CFAP74: variants seen among roughly 807,000 people sequenced by gnomAD.
CFAP74 encodes cilia- and flagella-associated protein 74.
CFAP74 carries 124 observed loss-of-function variants against 188.9 expected under a neutral mutation model. The ratio of observed to expected loss-of-function variants is 0.66; its 90% CI spans 0.57 to 0.76. CFAP74 has a LOEUF of 0.76. Ranked by LOEUF, CFAP74 falls within the 30% of genes least tolerant of loss-of-function variation. CFAP74 has a pLI of 0.00. For missense variants in CFAP74, 2,198 were observed against 2,165.2 expected (o/e 1.02, Z -0.30); for synonymous variants, 956 against 916.7 (o/e 1.04, Z -0.77).
intron 1 of CFAP74, 103 bp from the exon 2 acceptor site, chr1:1,991,078 G>T: frequency 1.3e-6 from 1 of 743,026 alleles, no homozygotes; most frequent in African/African-American, 1.8e-5. Context: ...ACAAACGACA[G>T]ATTAGGAAAA....
chr1:1,959,100 T>C lies in CFAP74; in HGVS notation c.1851+20A>G, dbSNP rs569785756. On this transcript the variant is annotated intron_variant, in intron 16 of 38. Coordinates refer to ENST00000682832, the MANE Select transcript of CFAP74 (RefSeq NM_001304360.2). ...CCAGCATGCCCCGAGAAATGCTGGC[T>C]CGGACACCTTTGAACTCACCGAACA... The C allele has an allele frequency of 2.1e-5, 33 of 1,576,068 alleles. No homozygotes were observed. The East Asian group carries it at 3.1e-4, about 15-fold the overall frequency.
At chr1:1,974,291 G>C (rs1396646127) in intron 6 of CFAP74, 93 bp from the exon 7 acceptor site, 2 of 1,304,290 alleles carry the variant, frequency 1.5e-6, no homozygotes, top group East Asian at 5.0e-5. Flanking sequence ...CCTCCAGGCA[G>C]ATGTTGAACA....
At chr1:1,940,526 C>A in intron 22 of CFAP74, 123 bp from the exon 23 acceptor site, 1 of 693,266 alleles carries the variant, frequency 1.4e-6, no homozygotes, top group Non-Finnish European at 2.3e-6. Context: ...AACATCAGCG[C>A]TGGGAGACGC....
At chr1:1,970,936 C>T in intron 9 of CFAP74, 120 bp from the exon 10 acceptor site, 1 of 1,211,916 alleles carries the variant, frequency 8.3e-7, no homozygotes, top group Non-Finnish European at 1.2e-6. Flanking sequence ...CGTGCACACA[C>T]ACATGCACAC....
At chr1:1,972,166 G>A (rs1012684598) in intron 8 of CFAP74, 84 bp from the exon 9 acceptor site, 10 of 1,013,170 alleles carry the variant, frequency 9.9e-6, no homozygotes, top group African/African-American at 6.3e-5. Context: ...CTGCAGCCTC[G>A]ACCTCCCAGG....
At chr1:1,941,788 A>T (rs1653393336) in intron 22 of CFAP74, among the ~76,000 whole-genome samples, 1 of 151,926 alleles carries the variant, frequency 6.6e-6, no homozygotes, top group South Asian at 2.1e-4. Context: ...ATAATTGGAA[A>T]CCTCTGTACA....
intron 6 of CFAP74, chr1:1,984,859 C>T (rs13302999): frequency 0.3 from 46,529 of 154,288 alleles, 7,322 homozygotes; most frequent in Non-Finnish European, 0.34. Context: ...ATCCCGGGCA[C>T]GTGCAGGGTC....
At chr1:1,978,992 CGAG>C (rs1558052030) in intron 6 of CFAP74, among the ~76,000 whole-genome samples, 1 of 148,450 alleles carries the variant, frequency 6.7e-6, no homozygotes, top group Non-Finnish European at 1.5e-5. Context: ...CGTCACGTGA[CGAG>C]GCTGCACAGA....
chr1:1,944,181 CGT>C, intron 21 of CFAP74, 148 bp downstream of exon 21: 2 of 1,416,762 alleles, frequency 1.4e-6, no homozygotes, highest in East Asian at 5.1e-5. Flanking sequence ...GGGCTCACCG[CGT>C]GTGCACAGGC....
chr1:1,936,035 T>C (rs1171705150), intron 25 of CFAP74, among the ~76,000 whole-genome samples: 42 of 149,344 alleles, frequency 2.8e-4, no homozygotes, highest in Admixed American at 2.6e-3. Context: ...CTGACCAACG[T>C]GGAGAAACCC....
At position 1,971,325 on chromosome 1, in the gene CFAP74, G is replaced by A. The variant is rs112517550; in HGVS notation, c.889-509C>T. 5.5e-3 allele frequency among the ~76,000 whole-genome samples: 804 copies of A among 145,346 alleles called. 4 individuals are homozygous for A. The highest frequency in any genetic ancestry group is 8.3e-3 in the Non-Finnish European group (555 of 67,016). On this transcript the variant is annotated intron_variant, in intron 9 of 38. Coordinates refer to ENST00000682832, the MANE Select transcript of CFAP74 (RefSeq NM_001304360.2). ...CACACATGCACACCTGCAGACACTTGCACACCTGCACACACGTGCACACAC... is the reference window on the plus strand; with the variant it reads ...CACACATGCACACCTGCAGACACTTACACACCTGCACACACGTGCACACAC...
intron 14 of CFAP74, among the ~76,000 whole-genome samples, chr1:1,961,371 A>C (rs1166552383): frequency 6.6e-6 from 1 of 152,190 alleles, no homozygotes; most frequent in Non-Finnish European, 1.5e-5. Context: ...AGGATGAGAG[A>C]ATCTCAGAGC....
rs1651438834 is a variant in CFAP74, at chr1:1,922,256, A to C, written c.*31T>G. ...CCTGGGGAGGGCTTTGAGGGTGGAC[A>C]GGAGGGCCCGAGGGTGCTCTGTGCA... On this transcript the variant is annotated 3_prime_UTR_variant, in exon 39 of 39. Transcript: ENST00000682832. 3.2e-6 allele frequency: 5 copies of C among 1,554,154 alleles called. No homozygotes were observed. The highest frequency in any genetic ancestry group is 4.4e-6 in the Non-Finnish European group (5 of 1,130,100).
chr1:1,940,304 C>T lies in CFAP74; in HGVS notation c.2703+12G>A, dbSNP rs74982036. 1.5e-4 allele frequency: 223 copies of T among 1,533,986 alleles called. 3 individuals are homozygous for T. The East Asian group carries it at 5.3e-3, about 37-fold the overall frequency. On this transcript the variant is annotated intron_variant, in intron 23 of 38. Coordinates refer to ENST00000682832, the MANE Select transcript of CFAP74 (RefSeq NM_001304360.2). ...AGCGCCCAGCATCCCTGGGAAGTGC[C>T]CCAACACAGACCTGGTCGGCAACCC...
chr1:1,976,731 C>T (rs1012045899), intron 6 of CFAP74, among the ~76,000 whole-genome samples: 3 of 151,948 alleles, frequency 2.0e-5, no homozygotes, highest in Non-Finnish European at 2.9e-5. Flanking sequence ...TTAGTAGAGA[C>T]GGGGTTTCAC....
chr1:1,955,910 C>T, intron 17 of CFAP74, 60 bp from the exon 18 acceptor site: 1 of 1,547,760 alleles, frequency 6.5e-7, no homozygotes, highest in Non-Finnish European at 8.7e-7. Flanking sequence ...TCCCAGTCAG[C>T]TGCCGGAACT....
In CFAP74 at chr1:1,922,631, C is replaced by T. The variant is rs567733714; in HGVS notation, c.4776G>A (p.Thr1592=). Residue 1592 remains threonine (T), a synonymous_variant, in exon 38 of 39, where the codon ACG becomes ACA. Transcript: ENST00000682832. ...GCACCCAGGAGATGCTGATGGTCTTCGTCTGGCCGCGCTCCACGGAGCCCC... is the reference window on the plus strand; with the variant it reads ...GCACCCAGGAGATGCTGATGGTCTTTGTCTGGCCGCGCTCCACGGAGCCCC... ...PSRGSVERGQ[T]KTISISWVPP... 24 of 1,605,318 alleles carry T rather than the reference C, an allele frequency of 1.5e-5. No homozygotes were observed. The highest frequency in any genetic ancestry group is 9.0e-5 in the East Asian group (4 of 44,422).
At chr1:1,926,561 C>T (rs780586811) in intron 30 of CFAP74, 49 bp from the exon 31 acceptor site, 24 of 1,547,208 alleles carry the variant, frequency 1.6e-5, no homozygotes, top group South Asian at 7.1e-5. Context: ...CCCCAGGGAG[C>T]GTCTCTGCCA....
rs1249882604 is a variant in CFAP74 at position 1,973,348 on chromosome 1, G to C, written c.675-301C>G. On this transcript the variant is annotated intron_variant, in intron 7 of 38. Coordinates refer to ENST00000682832, the MANE Select transcript of CFAP74 (RefSeq NM_001304360.2). The surrounding 1 kb of genome is among the most constrained non-coding windows in gnomAD (Gnocchi z 6.2). The stretch of plus-strand genomic sequence containing the variant: ...ACGGTGCAGGCACAGCAGTGCTGTG[G>C]GGAGGGAGGAGGCAGGGGCTGGGGA... Among the ~76,000 whole-genome samples the C allele has an allele frequency of 6.6e-6, 1 of 152,224 alleles. No homozygotes were observed. Among genetic ancestry groups the C allele is most frequent in the Non-Finnish European group, 1.5e-5 (1 of 68,040 alleles).
Sources: allele counts gnomAD v4.1 joint callset (sites outside exome capture counted in the v4.1 genomes callset), GRCh38; gene constraint gnomAD v4.1.1; non-coding constraint Gnocchi (gnomAD v3.1); transcripts MANE v1.5; gene names NCBI Gene and HGNC (gene_info 2026-07-23, HGNC 2026-07-21).